The following PRUNE2 variants were observed in gnomAD, a reference collection of about 807,000 sequenced individuals.
PRUNE2 encodes the protein protein prune homolog 2.
In PRUNE2, 164 loss-of-function variants were observed where a neutral mutation model predicts 252.0. The observed-to-expected ratio is 0.65, with a 90% CI of 0.57 to 0.74. PRUNE2 has a LOEUF of 0.74. Ranked by LOEUF, PRUNE2 falls within the 30% of genes least tolerant of loss-of-function variation. PRUNE2 has a pLI of 0.00. For missense variants in PRUNE2, 3,495 were observed against 3,711.0 expected (o/e 0.94, Z 1.51); for synonymous variants, 1,292 against 1,350.2 (o/e 0.96, Z 0.94).
At chr9:76,873,063 T>C (rs1464100460) in intron 1 of PRUNE2, among the ~76,000 whole-genome samples, 2 of 151,602 alleles carry the variant, frequency 1.3e-5, no homozygotes, top group Admixed American at 6.6e-5. Flanking sequence ...AAACCAAGGA[T>C]CATCTGAGAC....
At chr9:76,784,985 C>G (rs1469734877) in intron 6 of PRUNE2, 1 of 152,088 alleles carries the variant, frequency 6.6e-6, no homozygotes, top group Non-Finnish European at 1.5e-5. Flanking sequence ...ATTTTGTTTT[C>G]CAGTGCAAAG....
intron 6 of PRUNE2, among the ~76,000 whole-genome samples, chr9:76,732,725 G>A (rs893871323): frequency 3.9e-5 from 6 of 152,188 alleles, no homozygotes; most frequent in South Asian, 2.1e-4. Flanking sequence ...CTTCTAGCAC[G>A]TCTCTTGCTG....
chr9:76,882,096 G>GT (rs1447443836), intron 1 of PRUNE2, among the ~76,000 whole-genome samples: 5 of 151,912 alleles, frequency 3.3e-5, no homozygotes, highest in Non-Finnish European at 7.4e-5. Flanking sequence ...AAGGGTAAAT[G>GT]TGATTTCTGG....
rs1216526082 is a variant in PRUNE2 at position 76,800,042 on chromosome 9, CCTCT to C, written c.756+23586_756+23589del. Among the ~76,000 whole-genome samples, 4 of 152,132 alleles carry C rather than the reference CCTCT, an allele frequency of 2.6e-5. No individual in the cohort carries two copies. In the East Asian group the frequency reaches 5.8e-4, roughly 22 times the overall value. On this transcript the variant is annotated intron_variant, in intron 6 of 18. Coordinates refer to ENST00000376718, the MANE Select transcript of PRUNE2 (RefSeq NM_015225.3). ...AAAGACCCCAGATGAAAATCTCAGC[CCTCT>C]CTCTTTCTTTTTTTTTAATTATACT...
At chr9:76,690,716 T>C (rs2044622968) in intron 9 of PRUNE2, among the ~76,000 whole-genome samples, 1 of 152,204 alleles carries the variant, frequency 6.6e-6, no homozygotes, top group African/African-American at 2.4e-5. Context: ...CTATGAGGCA[T>C]TAAACCTTAT....
intron 18 of PRUNE2, among the ~76,000 whole-genome samples, chr9:76,617,953 T>C (rs1408930279): frequency 6.6e-6 from 1 of 152,108 alleles, no homozygotes; most frequent in East Asian, 1.9e-4. Flanking sequence ...CAAAAAGAAT[T>C]ATCGTGCACT....
chr9:76,781,208 C>T (rs1314396003), intron 6 of PRUNE2, among the ~76,000 whole-genome samples: 1 of 152,156 alleles, frequency 6.6e-6, no homozygotes, highest in Non-Finnish European at 1.5e-5. Context: ...TACCTGCTTT[C>T]CATTAACTCT....
chr9:76,682,124 G>A (rs143874646), intron 9 of PRUNE2, among the ~76,000 whole-genome samples: 44 of 152,126 alleles, frequency 2.9e-4, no homozygotes, highest in African/African-American at 9.6e-4. Context: ...AAGAGATTTG[G>A]CTCTTGATCT....
intron 15 of PRUNE2, among the ~76,000 whole-genome samples, chr9:76,632,034 T>A (rs1198732327): frequency 6.6e-6 from 1 of 152,252 alleles, no homozygotes; most frequent in Non-Finnish European, 1.5e-5. Context: ...ATTTGCTTTA[T>A]CCAATCCACT....
intron 9 of PRUNE2, among the ~76,000 whole-genome samples, chr9:76,665,292 G>A (rs371619676): frequency 6.6e-6 from 1 of 152,044 alleles, no homozygotes; most frequent in East Asian, 1.9e-4. Flanking sequence ...TTGCTGTCCT[G>A]TACTACTCAG....
chr9:76,767,954 T>C (rs2052603330), intron 6 of PRUNE2, among the ~76,000 whole-genome samples: 2 of 152,212 alleles, frequency 1.3e-5, no homozygotes, highest in Non-Finnish European at 2.9e-5. Flanking sequence ...GTATTAATAA[T>C]TGTACATTCA....
intron 6 of PRUNE2, among the ~76,000 whole-genome samples, chr9:76,770,966 T>G: frequency 6.6e-6 from 1 of 151,040 alleles, no homozygotes; most frequent in South Asian, 2.1e-4. Context: ...AACTAATAAC[T>G]AACTAGAGAC....
At position 76,837,813 on chromosome 9, in the gene PRUNE2, C is replaced by A. The variant is rs562193799; in HGVS notation, c.508+8702G>T. Reference sequence around the variant, plus strand: ...TTGAGACGGAGTCTTGCTCTGTCGCCCAGGCTGGAGTGCAGTGGCGCAATC... The same window carrying A: ...TTGAGACGGAGTCTTGCTCTGTCGCACAGGCTGGAGTGCAGTGGCGCAATC... On this transcript the variant is annotated intron_variant, in intron 4 of 18. Coordinates refer to ENST00000376718, the MANE Select transcript of PRUNE2 (RefSeq NM_015225.3). 9.8e-4 allele frequency among the ~76,000 whole-genome samples: 148 copies of A among 151,038 alleles called. 1 individual carries two copies. Among genetic ancestry groups the A allele is most frequent in the African/African-American group, 3.4e-3 (139 of 41,056 alleles).
intron 12 of PRUNE2, among the ~76,000 whole-genome samples, chr9:76,643,361 T>C (rs1843363564): frequency 6.6e-6 from 1 of 152,206 alleles, no homozygotes. Flanking sequence ...CAGACTACTC[T>C]TACAGGCAGC....
chr9:76,840,073 G>A (rs1468693039), intron 4 of PRUNE2, among the ~76,000 whole-genome samples: 2 of 152,170 alleles, frequency 1.3e-5, no homozygotes, highest in Non-Finnish European at 1.5e-5. Flanking sequence ...TCTAAAAAGA[G>A]GTCACAGTTG....
At chr9:76,631,818 C>T (rs1424650258) in intron 15 of PRUNE2, among the ~76,000 whole-genome samples, 2 of 152,168 alleles carry the variant, frequency 1.3e-5, no homozygotes, top group East Asian at 3.8e-4. Context: ...TCCTCACTGT[C>T]CTCCACCCTC....
intron 1 of PRUNE2, among the ~76,000 whole-genome samples, chr9:76,884,356 G>A (rs1414233501): frequency 3.3e-5 from 5 of 152,160 alleles, no homozygotes; most frequent in Non-Finnish European, 7.3e-5. Context: ...TAGCCACAGT[G>A]TACTGAGCGT....
chr9:76,757,596 T>C lies in PRUNE2; in HGVS notation c.757-43875A>G, dbSNP rs138374779. 2.0e-3 allele frequency among the ~76,000 whole-genome samples: 308 copies of C among 152,232 alleles called. 2 individuals are homozygous for C. Among genetic ancestry groups the C allele is most frequent in the African/African-American group, 6.7e-3 (277 of 41,542 alleles). ...GAGTGAAGGGCTCAACTGGTAATAATTGCGATAATAACTGAAGTGAGGAAG... is the reference window on the plus strand; with the variant it reads ...GAGTGAAGGGCTCAACTGGTAATAACTGCGATAATAACTGAAGTGAGGAAG... On this transcript the variant is annotated intron_variant, in intron 6 of 18. Transcript: ENST00000376718.
intron 6 of PRUNE2, chr9:76,740,064 A>C (rs950318592): frequency 7.6e-6 from 1 of 130,942 alleles, no homozygotes; most frequent in African/African-American, 3.8e-5. Flanking sequence ...ACTCTGTTTC[A>C]AAAAAAAAAA....
Sources: gnomAD v4.1 joint callset for allele counts (sites outside exome capture counted in the v4.1 genomes callset) on GRCh38, gnomAD v4.1.1 for gene constraint, MANE v1.5 for transcripts, NCBI Gene and HGNC (gene_info 2026-07-23, HGNC 2026-07-21) for gene names.